DSCAM: variants seen among roughly 807,000 people sequenced by gnomAD.
DSCAM encodes the protein DS cell adhesion molecule.
A neutral mutation model predicts 217.7 loss-of-function variants in DSCAM; 47 were observed. The ratio of observed to expected loss-of-function variants is 0.22; its 90% CI spans 0.17 to 0.28. The LOEUF is 0.28. Among genes scored for constraint, DSCAM ranks in the 10% least tolerant of loss-of-function variants. DSCAM has a pLI of 1.00. For synonymous variants in DSCAM, 1,056 were observed against 1,015.3 expected (o/e 1.04, Z -0.76); for missense variants, 2,080 against 2,618.3 (o/e 0.79, Z 4.49).
chr21:40,743,967 C>G (rs2091149697), intron 1 of DSCAM, among the ~76,000 whole-genome samples: 1 of 152,192 alleles, frequency 6.6e-6, no homozygotes, highest in Admixed American at 6.5e-5. Context: ...AAGAATACCA[C>G]CATGAATTCA....
chr21:40,322,819 C>G (rs1246994048), intron 8 of DSCAM, among the ~76,000 whole-genome samples: 1 of 152,170 alleles, frequency 6.6e-6, no homozygotes, highest in Admixed American at 6.5e-5. Flanking sequence ...GCCACCACGC[C>G]CGGCCAGTGG....
chr21:40,548,651 C>T (rs2076604479), intron 3 of DSCAM, among the ~76,000 whole-genome samples: 1 of 152,064 alleles, frequency 6.6e-6, no homozygotes, highest in Non-Finnish European at 1.5e-5. Context: ...TCTTTCTCCT[C>T]TTACTTTCCT....
At chr21:40,662,840 A>G (rs1178126766) in intron 3 of DSCAM, among the ~76,000 whole-genome samples, 1 of 152,198 alleles carries the variant, frequency 6.6e-6, no homozygotes, top group East Asian at 1.9e-4. Context: ...CTCCAGAGCC[A>G]TGAGAAATGA....
intron 17 of DSCAM, among the ~76,000 whole-genome samples, chr21:40,143,653 T>C (rs966861035): frequency 1.3e-5 from 2 of 152,008 alleles, no homozygotes; most frequent in Admixed American, 1.3e-4. Flanking sequence ...TAGCCAGGCG[T>C]GGTGGCGGGT....
Position 40,687,535 on chromosome 21 carries a change from C to T in DSCAM, c.508+5275G>A, listed in dbSNP as rs543205372. ...CCACAGCATGACCCTCAGGTCCCCC[C>T]GACAGCTGTGCTAGCTCTCCCTCCC... On this transcript the variant is annotated intron_variant, in intron 3 of 32. Coordinates refer to ENST00000400454, the MANE Select transcript of DSCAM (RefSeq NM_001389.5). 3.3e-5 allele frequency among the ~76,000 whole-genome samples: 5 copies of T among 152,204 alleles called. No homozygotes were observed. The South Asian group carries it at 8.3e-4, about 25-fold the overall frequency.
rs1276700179 is a variant in DSCAM at position 40,144,798 on chromosome 21, A to C, written c.3019-67T>G. 6.3e-7 allele frequency: 1 copy of C among 1,596,104 alleles called. No homozygotes were observed. Among genetic ancestry groups the C allele is most frequent in the African/African-American group, 1.3e-5 (1 of 74,554 alleles). On this transcript the variant is annotated intron_variant, in intron 16 of 32. Coordinates refer to ENST00000400454, the MANE Select transcript of DSCAM (RefSeq NM_001389.5). The surrounding 1 kb of genome is among the most constrained non-coding windows in gnomAD (Gnocchi z 4.8). The stretch of plus-strand genomic sequence containing the variant: ...TAGGACAAGAGCGAAATCAACGCCC[A>C]CACCCACGTAGGAAAGCAGAAATAA...
intron 3 of DSCAM, among the ~76,000 whole-genome samples, chr21:40,413,329 C>T (rs1178656265): frequency 6.6e-6 from 1 of 152,204 alleles, no homozygotes; most frequent in Non-Finnish European, 1.5e-5. Flanking sequence ...GCTGCAGACA[C>T]TCAACACCAG....
In DSCAM at chr21:40,719,322, G is replaced by C. The variant is rs561781145; in HGVS notation, c.44-10551C>G. ...AGACAGAATATATTGAGGGTCTTAAGAATGTGGAGCAACAAGACCCTCAAA... is the reference window on the plus strand; with the variant it reads ...AGACAGAATATATTGAGGGTCTTAACAATGTGGAGCAACAAGACCCTCAAA... On this transcript the variant is annotated intron_variant, in intron 1 of 32. Transcript: ENST00000400454. 2.0e-5 allele frequency among the ~76,000 whole-genome samples: 3 copies of C among 152,302 alleles called. No individual in the cohort carries two copies. In the East Asian group the frequency reaches 5.8e-4, roughly 29 times the overall value.
chr21:40,559,831 C>A (rs1470475981), intron 3 of DSCAM, among the ~76,000 whole-genome samples: 3 of 140,404 alleles, frequency 2.1e-5, no homozygotes, highest in Non-Finnish European at 4.5e-5. Context: ...CTCGCTCTGT[C>A]TCCCAGGCTG....
chr21:40,395,425 G>C (rs1366287989), intron 3 of DSCAM, among the ~76,000 whole-genome samples: 1 of 151,188 alleles, frequency 6.6e-6, no homozygotes, highest in Non-Finnish European at 1.5e-5. Flanking sequence ...CCTGGAGACT[G>C]TAACATTTTC....
At chr21:40,168,161 A>C (rs2837475) in intron 15 of DSCAM, among the ~76,000 whole-genome samples, 1 of 152,120 alleles carries the variant, frequency 6.6e-6, no homozygotes, top group Non-Finnish European at 1.5e-5. Flanking sequence ...AAAGTGTGCA[A>C]TTTAAAGCAA....
At chr21:40,344,261 C>T (rs772937373) in intron 6 of DSCAM, among the ~76,000 whole-genome samples, 1 of 152,118 alleles carries the variant, frequency 6.6e-6, no homozygotes, top group Non-Finnish European at 1.5e-5. Flanking sequence ...AAAGAAAACA[C>T]AATTTTGCTA....
chr21:40,288,114 A>G (rs889592182), intron 10 of DSCAM, among the ~76,000 whole-genome samples: 2 of 152,192 alleles, frequency 1.3e-5, no homozygotes, highest in African/African-American at 4.8e-5. Context: ...GGACAGCTAC[A>G]TAAGGACAAG....
At chr21:40,290,198 G>A (rs539993664) in intron 10 of DSCAM, among the ~76,000 whole-genome samples, 2 of 152,240 alleles carry the variant, frequency 1.3e-5, no homozygotes, top group East Asian at 3.9e-4. Context: ...GCAGGGAAGA[G>A]AACACTTAGA....
intron 3 of DSCAM, among the ~76,000 whole-genome samples, chr21:40,659,322 C>T (rs2146375908): frequency 6.6e-6 from 1 of 152,246 alleles, no homozygotes; most frequent in East Asian, 1.9e-4. Context: ...TTAAAACATC[C>T]TCTGTTCACA....
At chr21:40,110,552 C>A (rs2089884063) in intron 20 of DSCAM, among the ~76,000 whole-genome samples, 1 of 152,144 alleles carries the variant, frequency 6.6e-6, no homozygotes, top group Non-Finnish European at 1.5e-5. Flanking sequence ...AGCAACAGAA[C>A]AAAGCTGGAT....
chr21:40,514,434 G>A (rs2076284017), intron 3 of DSCAM, among the ~76,000 whole-genome samples: 1 of 152,140 alleles, frequency 6.6e-6, no homozygotes, highest in Admixed American at 6.5e-5. Flanking sequence ...AAATGCTCCA[G>A]GCTTCAACTT....
chr21:40,426,466 A>C (rs1156453810), intron 3 of DSCAM, among the ~76,000 whole-genome samples: 4 of 152,352 alleles, frequency 2.6e-5, no homozygotes, highest in African/African-American at 9.6e-5. Flanking sequence ...ACTACTATGC[A>C]TCTGTGACTA....
chr21:40,598,638 G>A (rs1316350825), intron 3 of DSCAM, among the ~76,000 whole-genome samples: 2 of 151,142 alleles, frequency 1.3e-5, no homozygotes, highest in African/African-American at 2.4e-5. Context: ...CCAAGTAGCT[G>A]GGATTACAGG....
Sources: gnomAD v4.1 joint callset for allele counts (sites outside exome capture counted in the v4.1 genomes callset) on GRCh38, gnomAD v4.1.1 for gene constraint, Gnocchi (gnomAD v3.1) non-coding constraint, MANE v1.5 for transcripts, NCBI Gene and HGNC (gene_info 2026-07-23, HGNC 2026-07-21) for gene names.